The following ZNF420 variants were observed in gnomAD, a reference collection of about 807,000 sequenced individuals.
ZNF420 encodes ATM and p53-associated KZNF protein.
ZNF420 carries 31 observed loss-of-function variants against 44.7 expected under a neutral mutation model. The ratio of observed to expected loss-of-function variants is 0.69; its 90% confidence interval spans 0.52 to 0.94. The LOEUF is 0.94. Ranked by LOEUF, ZNF420 falls within the 40% of genes least tolerant of loss-of-function variation. ZNF420 has a pLI of 0.00. For missense variants in ZNF420, 681 were observed against 827.9 expected (o/e 0.82, Z 2.18); for synonymous variants, 245 against 267.4 (o/e 0.92, Z 0.82).
At chr19:37,037,337 C>G (rs751028674) in intron 1 of ZNF420, among the ~76,000 whole-genome samples, 3 of 152,146 alleles carry the variant, frequency 2.0e-5, no homozygotes, top group African/African-American at 7.2e-5. Context: ...GTCCTCTTGC[C>G]GAGATGGATG....
intron 1 of ZNF420, chr19:37,008,177 G>A (rs2074542719): frequency 6.5e-6 from 2 of 309,450 alleles, no homozygotes; most frequent in Admixed American, 4.7e-5. Flanking sequence ...CGTTCTCACA[G>A]AGAGCAGAAC....
At chr19:37,076,198 C>T (rs964936079), upstream of ZNF420, among the ~76,000 whole-genome samples, 3 of 151,820 alleles carry the variant, frequency 2.0e-5, no homozygotes, top group Admixed American at 6.6e-5. Flanking sequence ...CTTGCAAGCA[C>T]TCATCGTAAC....
upstream of ZNF420, among the ~76,000 whole-genome samples, chr19:37,075,757 AC>A (rs1968136008): frequency 6.6e-6 from 1 of 151,614 alleles, no homozygotes; most frequent in African/African-American, 2.4e-5. Context: ...AAAAACAAAA[AC>A]AAAAACAAAC....
chr19:37,075,614 C>T (rs971357149), upstream of ZNF420, among the ~76,000 whole-genome samples: 2 of 151,806 alleles, frequency 1.3e-5, no homozygotes, highest in Non-Finnish European at 2.9e-5. Context: ...TAGTGGCAGG[C>T]GCCTGTAATC....
chr19:37,018,708 T>C (rs2074625353), intron 1 of ZNF420, among the ~76,000 whole-genome samples: 1 of 152,054 alleles, frequency 6.6e-6, no homozygotes, highest in Non-Finnish European at 1.5e-5. Context: ...GCTGGGATTA[T>C]AGGTGTGCAC....
At chr19:37,114,737 A>G (rs1970566428) in intron 4 of ZNF420, among the ~76,000 whole-genome samples, 2 of 1,168 alleles carry the variant, frequency 1.7e-3, no homozygotes, top group Admixed American at 0.021. Context: ...TCTATTACAC[A>G]TTTTCCAGGG....
intron 1 of ZNF420, among the ~76,000 whole-genome samples, chr19:37,027,386 T>C (rs1230037474): frequency 2.0e-5 from 3 of 152,230 alleles, no homozygotes; most frequent in Non-Finnish European, 4.4e-5. Flanking sequence ...ATCATCTTGT[T>C]AGTGTGGTAT....
At chr19:37,119,763 T>C (rs1369408593) in intron 4 of ZNF420, among the ~76,000 whole-genome samples, 5 of 151,918 alleles carry the variant, frequency 3.3e-5, no homozygotes, top group African/African-American at 1.2e-4. Flanking sequence ...AAGAATCAAA[T>C]AGATGCAATA....
chr19:37,095,158 T>G (rs1969371767), intron 4 of ZNF420, among the ~76,000 whole-genome samples: 1 of 151,936 alleles, frequency 6.6e-6, no homozygotes, highest in South Asian at 2.1e-4. Context: ...GAAATATCTT[T>G]GTTGATTTGT....
chr19:37,034,820 A>T (rs1327284903), intron 1 of ZNF420, among the ~76,000 whole-genome samples: 1 of 152,236 alleles, frequency 6.6e-6, no homozygotes, highest in Non-Finnish European at 1.5e-5. Context: ...TGGGTGCAAG[A>T]CACACAAGTG....
chr19:37,060,306 A>G, intron 1 of ZNF420, among the ~76,000 whole-genome samples: 1 of 152,118 alleles, frequency 6.6e-6, no homozygotes, highest in East Asian at 1.9e-4. Flanking sequence ...CCACGATACA[A>G]TCTTAAAGAA....
chr19:37,012,696 T>C (rs929807072), intron 1 of ZNF420, among the ~76,000 whole-genome samples: 3 of 151,986 alleles, frequency 2.0e-5, no homozygotes, highest in Non-Finnish European at 2.9e-5. Flanking sequence ...GTCGTTCTTC[T>C]GGAGAGCAGA....
chr19:37,108,892 T>C (rs1175578211), intron 4 of ZNF420, among the ~76,000 whole-genome samples: 1 of 152,218 alleles, frequency 6.6e-6, no homozygotes. Flanking sequence ...CATTTTGTAA[T>C]ATCACCACAC....
chr19:37,057,097 T>G (rs2012254620), intron 1 of ZNF420, among the ~76,000 whole-genome samples: 1 of 152,214 alleles, frequency 6.6e-6, no homozygotes, highest in Non-Finnish European at 1.5e-5. Flanking sequence ...GAGCCCTCCA[T>G]GGCAGTGCTT....
At chr19:37,086,169 T>G (rs1465359518) in intron 2 of ZNF420, among the ~76,000 whole-genome samples, 1 of 151,936 alleles carries the variant, frequency 6.6e-6, no homozygotes, top group African/African-American at 2.4e-5. Flanking sequence ...TCCCAGTCCA[T>G]AAAATGAATG....
chr19:37,053,383 G>T (rs1314250042), intron 1 of ZNF420, among the ~76,000 whole-genome samples: 2 of 152,192 alleles, frequency 1.3e-5, no homozygotes, highest in Non-Finnish European at 2.9e-5. Flanking sequence ...TTTCCATCCA[G>T]CTTTGTTCCG....
intron 4 of ZNF420, among the ~76,000 whole-genome samples, chr19:37,111,112 G>A (rs1330452024): frequency 6.6e-6 from 1 of 152,214 alleles, no homozygotes; most frequent in Admixed American, 6.5e-5. Context: ...GTACTGTGAG[G>A]AAGGAATGAC....
chr19:37,122,277 G>A (rs1382991315), intron 4 of ZNF420, among the ~76,000 whole-genome samples: 1 of 152,176 alleles, frequency 6.6e-6, no homozygotes. Flanking sequence ...GGAATAGTAT[G>A]CAGCCATAAA....
intron 1 of ZNF420, among the ~76,000 whole-genome samples, chr19:37,031,615 C>T (rs137882232): frequency 0.017 from 2,570 of 152,220 alleles, 79 homozygotes; most frequent in African/African-American, 0.059. Flanking sequence ...AAGTGATTCT[C>T]TTGCCTCAGC....
Sources: gnomAD v4.1 joint callset for allele counts (sites outside exome capture counted in the v4.1 genomes callset) on GRCh38, gnomAD v4.1.1 for gene constraint, MANE v1.5 for transcripts, NCBI Gene and HGNC (gene_info 2026-07-23, HGNC 2026-07-21) for gene names.